Variants in SH3BGRL2 observed in about 807,000 individuals in gnomAD.
SH3BGRL2 encodes the protein SH3 domain binding glutamate rich protein like 2, also known as SH3 domain-binding glutamic acid-rich-like protein 2.
SH3BGRL2 carries 21 observed loss-of-function variants against 14.8 expected under a neutral mutation model. The ratio of observed to expected loss-of-function variants is 1.42; its 90% confidence interval spans 1.01 to 2.05. The LOEUF (loss-of-function observed/expected upper bound fraction) is 2.05, where lower values mean the gene tolerates loss of function less well. SH3BGRL2 is among the 30% of genes most tolerant of loss of function. SH3BGRL2 has a pLI of 0.00. For missense variants in SH3BGRL2, 147 were observed against 130.8 expected, an observed-to-expected ratio of 1.12 and a Z score of -0.61; for synonymous variants, 50 against 47.8, an observed-to-expected ratio of 1.05 and a Z score of -0.19.
chr6:79,616,074 C>G, the SH3BGRL2 span, among the ~76,000 whole-genome samples: 1 of 151,926 alleles, frequency 6.6e-6, no homozygotes, highest in Non-Finnish European at 1.5e-5. Flanking sequence ...CCTTGGCCTC[C>G]CAAAGTGCTG....
At chr6:79,594,451 C>T in the SH3BGRL2 span, among the ~76,000 whole-genome samples, 1 of 152,126 alleles carries the variant, frequency 6.6e-6, no homozygotes. Flanking sequence ...CCCAACTAAG[C>T]ACTAAGGATA....
the SH3BGRL2 span, among the ~76,000 whole-genome samples, chr6:79,542,090 C>G: frequency 6.6e-6 from 1 of 152,092 alleles, no homozygotes; most frequent in African/African-American, 2.4e-5. Flanking sequence ...GATACCAGGA[C>G]CACTGCTCTG....
chr6:79,542,354 C>T, the SH3BGRL2 span, among the ~76,000 whole-genome samples: 1 of 151,714 alleles, frequency 6.6e-6, no homozygotes, highest in African/African-American at 2.4e-5. Context: ...TGCAATGCAA[C>T]CTCTGCCTCC....
chr6:79,586,522 A>G, the SH3BGRL2 span, among the ~76,000 whole-genome samples: 2 of 152,230 alleles, frequency 1.3e-5, no homozygotes, highest in Non-Finnish European at 2.9e-5. Flanking sequence ...TAAAATAAAT[A>G]AAATGGCTTT....
At chr6:79,656,431 C>T (rs1769419378) in intron 1 of SH3BGRL2, among the ~76,000 whole-genome samples, 1 of 152,090 alleles carries the variant, frequency 6.6e-6, no homozygotes, top group African/African-American at 2.4e-5. Context: ...TCCACTCTTC[C>T]AGGCAATTCC....
chr6:79,648,255 C>T (rs374494616), intron 1 of SH3BGRL2, among the ~76,000 whole-genome samples: 1 of 62,468 alleles, frequency 1.6e-5, no homozygotes, highest in African/African-American at 6.3e-5. Context: ...ATTCTTTTGG[C>T]ATATATATAT....
intron 1 of SH3BGRL2, among the ~76,000 whole-genome samples, chr6:79,646,046 TG>T (rs1188682300): frequency 6.6e-6 from 1 of 152,368 alleles, no homozygotes; most frequent in African/African-American, 2.4e-5. Context: ...TCTTTGTTGT[TG>T]GGGCTTGTCT....
At chr6:79,624,270 A>G in the SH3BGRL2 span, among the ~76,000 whole-genome samples, 1 of 149,990 alleles carries the variant, frequency 6.7e-6, no homozygotes, top group Non-Finnish European at 1.5e-5. Context: ...TACTATATAT[A>G]GTATATCATA....
intron 2 of SH3BGRL2, among the ~76,000 whole-genome samples, chr6:79,684,673 T>G (rs974335735): frequency 6.6e-6 from 1 of 152,164 alleles, no homozygotes; most frequent in Non-Finnish European, 1.5e-5. Context: ...ATTAATAAAG[T>G]TCGAAGCCAG....
At chr6:79,633,061 T>C (rs1220802385) in intron 1 of SH3BGRL2, among the ~76,000 whole-genome samples, 1 of 152,248 alleles carries the variant, frequency 6.6e-6, no homozygotes, top group Non-Finnish European at 1.5e-5. Context: ...GTAGGTAGTA[T>C]ATTGAGATAG....
chr6:79,575,529 A>G, the SH3BGRL2 span: 1 of 152,114 alleles, frequency 6.6e-6, no homozygotes, highest in African/African-American at 2.4e-5. Flanking sequence ...TTTTCCAAGG[A>G]CAGTCCTGGT....
the SH3BGRL2 span, among the ~76,000 whole-genome samples, chr6:79,582,813 C>G: frequency 1.3e-5 from 2 of 152,286 alleles, no homozygotes; most frequent in South Asian, 4.1e-4. Context: ...GGAACTTCTG[C>G]ACGGCAAAAG....
At chr6:79,598,337 A>G in the SH3BGRL2 span, among the ~76,000 whole-genome samples, 1 of 152,364 alleles carries the variant, frequency 6.6e-6, no homozygotes, top group East Asian at 1.9e-4. Context: ...AGTAGAAACA[A>G]TCTATGTGTT....
At chr6:79,665,577 C>G (rs181204898) in intron 1 of SH3BGRL2, among the ~76,000 whole-genome samples, 10 of 152,136 alleles carry the variant, frequency 6.6e-5, no homozygotes, top group Admixed American at 4.6e-4. Flanking sequence ...GCAAATTGAT[C>G]AAGAAAACAG....
At chr6:79,668,052 G>C (rs1434506026) in intron 1 of SH3BGRL2, among the ~76,000 whole-genome samples, 1 of 152,092 alleles carries the variant, frequency 6.6e-6, no homozygotes, top group Non-Finnish European at 1.5e-5. Context: ...CAAGGTTCCA[G>C]CATCAGCTAG....
At chr6:79,692,042 A>G (rs1351763793) in intron 2 of SH3BGRL2, among the ~76,000 whole-genome samples, 8 of 152,060 alleles carry the variant, frequency 5.3e-5, no homozygotes, top group African/African-American at 9.7e-5. Flanking sequence ...TTTAATGATC[A>G]CCAGTCTAAC....
chr6:79,699,463 C>CTTTTTTTTTTTTTTTT (rs35728679), intron 3 of SH3BGRL2, 35 bp from the exon 4 acceptor site: 1 of 781,410 alleles, frequency 1.3e-6, no homozygotes, highest in African/African-American at 3.6e-5. Context: ...CAATAACTGA[C>CTTTTTTTTTTTTTTTT]TTTTTTTTTT....
chr6:79,625,201 CACAT>C, the SH3BGRL2 span, among the ~76,000 whole-genome samples: 3 of 143,830 alleles, frequency 2.1e-5, no homozygotes, highest in African/African-American at 2.9e-5. Context: ...TATACACACA[CACAT>C]ACATATATAT....
At chr6:79,604,057 G>A in the SH3BGRL2 span, among the ~76,000 whole-genome samples, 48 of 152,036 alleles carry the variant, frequency 3.2e-4, no homozygotes, top group African/African-American at 1.0e-3. Flanking sequence ...TACCTGCCTC[G>A]GCCTCCCAAA....
Sources: gnomAD v4.1 joint callset for allele counts (sites outside exome capture counted in the v4.1 genomes callset) on GRCh38, gnomAD v4.1.1 for gene constraint, MANE v1.5 for transcripts, NCBI Gene and HGNC (gene_info 2026-07-23, HGNC 2026-07-21) for gene names.